The following AP2B1 variants were observed in gnomAD, a reference collection of about 807,000 sequenced individuals.
The protein encoded by AP2B1 is adaptor related protein complex 2 subunit beta 1, also known as AP-2 complex subunit beta.
In AP2B1, 23 loss-of-function variants were observed where a neutral mutation model predicts 102.0. The ratio of observed to expected loss-of-function variants is 0.23; its 90% CI spans 0.16 to 0.32. The LOEUF is 0.32. Among genes scored for constraint, AP2B1 ranks in the 10% least tolerant of loss-of-function variants. The pLI, the probability that AP2B1 is intolerant of heterozygous loss-of-function variation, is 1.00. For missense variants in AP2B1, 541 were observed against 1,157.4 expected, an observed-to-expected ratio of 0.47 and a Z score of 7.73; for synonymous variants, 381 against 421.2, an observed-to-expected ratio of 0.90 and a Z score of 1.17.
At chr17:35,607,112 C>T (rs1192539947) in intron 4 of AP2B1, among the ~76,000 whole-genome samples, 1 of 152,086 alleles carries the variant, frequency 6.6e-6, no homozygotes, top group Non-Finnish European at 1.5e-5. Flanking sequence ...ACCATATTGG[C>T]CAGGCTGGTC....
intron 11 of AP2B1, among the ~76,000 whole-genome samples, chr17:35,640,574 C>T (rs1048597019): frequency 6.6e-6 from 1 of 152,166 alleles, no homozygotes; most frequent in East Asian, 1.9e-4. Flanking sequence ...ACCTACATAA[C>T]TCAGACCAGT....
At chr17:35,675,749 T>C (rs1056632433) in intron 17 of AP2B1, among the ~76,000 whole-genome samples, 4 of 152,100 alleles carry the variant, frequency 2.6e-5, no homozygotes, top group South Asian at 2.1e-4. Flanking sequence ...GTTTTGTTTT[T>C]GTTTTTCTTC....
At chr17:35,662,143 C>G (rs1030857336) in intron 14 of AP2B1, among the ~76,000 whole-genome samples, 2 of 152,158 alleles carry the variant, frequency 1.3e-5, no homozygotes, top group African/African-American at 4.8e-5. Context: ...CATACTGTAG[C>G]TCCCCAGGTG....
At position 35,614,616 on chromosome 17, in the gene AP2B1, G is replaced by A. The variant is rs1006838012; in HGVS notation, c.525+6229G>A. ...CCCATGAGAATACCTGTGCTTCATT[G>A]TTCTGTCCTCTCTGCAAAATTGCAA... On this transcript the variant is annotated intron_variant, in intron 5 of 21. Coordinates refer to ENST00000610402, the MANE Select transcript of AP2B1 (RefSeq NM_001030006.2). Among the ~76,000 whole-genome samples, 3 of 119,166 alleles carry A rather than the reference G, an allele frequency of 2.5e-5. No homozygotes were observed. In the Admixed American group the frequency reaches 3.4e-4, roughly 13 times the overall value. The allele number at this position is 119,166 out of a possible 152,430, so 78.2% of individuals were successfully genotyped here.
intron 5 of AP2B1, among the ~76,000 whole-genome samples, chr17:35,614,455 A>G (rs965191390): frequency 6.6e-6 from 1 of 151,952 alleles, no homozygotes; most frequent in Non-Finnish European, 1.5e-5. Context: ...CTCTCAAAGT[A>G]CTGAGATTAT....
intron 13 of AP2B1, among the ~76,000 whole-genome samples, chr17:35,652,525 G>A (rs970145797): frequency 2.6e-5 from 4 of 152,064 alleles, no homozygotes; most frequent in Admixed American, 2.0e-4. Flanking sequence ...CTGCTCTATG[G>A]GGGTGAGGTA....
chr17:35,645,334 A>G (rs545896069), intron 12 of AP2B1, among the ~76,000 whole-genome samples: 7 of 152,272 alleles, frequency 4.6e-5, no homozygotes, highest in Admixed American at 1.3e-4. Context: ...TTCTGTCTCT[A>G]TAGTAGAGTT....
chr17:35,678,605 C>T (rs2075751049), intron 17 of AP2B1, among the ~76,000 whole-genome samples: 1 of 152,148 alleles, frequency 6.6e-6, no homozygotes, highest in African/African-American at 2.4e-5. Flanking sequence ...TCTGCATTTA[C>T]TAAAATGATT....
intron 4 of AP2B1, chr17:35,607,858 GAT>G: frequency 3.6e-6 from 1 of 280,658 alleles, no homozygotes; most frequent in Non-Finnish European, 6.6e-6. Context: ...ATGGCTGTGG[GAT>G]GGTACGAACT....
intron 18 of AP2B1, among the ~76,000 whole-genome samples, chr17:35,705,016 G>GC (rs1366658738): frequency 2.6e-5 from 4 of 152,130 alleles, no homozygotes; most frequent in African/African-American, 9.7e-5. Flanking sequence ...GGGTGACAGA[G>GC]CCAGACTCTG....
chr17:35,714,321 C>G (rs1191021698), intron 20 of AP2B1, among the ~76,000 whole-genome samples: 3 of 152,182 alleles, frequency 2.0e-5, no homozygotes, highest in Admixed American at 6.5e-5. Context: ...TTTCAGCAGT[C>G]ATAGTGGTTT....
chr17:35,685,682 T>C (rs1184855235), intron 18 of AP2B1, among the ~76,000 whole-genome samples: 2 of 152,224 alleles, frequency 1.3e-5, no homozygotes, highest in Non-Finnish European at 2.9e-5. Context: ...ATAAAAACTT[T>C]TCATCAGAAC....
intron 9 of AP2B1, among the ~76,000 whole-genome samples, chr17:35,628,026 G>C (rs1275506915): frequency 1.3e-5 from 2 of 152,062 alleles, no homozygotes; most frequent in African/African-American, 4.8e-5. Flanking sequence ...AAAATATTCA[G>C]GGGAAAAGAA....
chr17:35,645,647 C>T (rs562949191), intron 12 of AP2B1, among the ~76,000 whole-genome samples: 6 of 152,222 alleles, frequency 3.9e-5, no homozygotes, highest in African/African-American at 9.6e-5. Context: ...GTCAGGAGTT[C>T]GAGACCAGCC....
intron 20 of AP2B1, among the ~76,000 whole-genome samples, chr17:35,712,522 G>A (rs1321695797): frequency 2.6e-5 from 4 of 152,092 alleles, no homozygotes; most frequent in African/African-American, 7.2e-5. Context: ...CAGCTACTCG[G>A]GAGGCTGAGG....
chr17:35,714,025 T>C (rs2076502809), intron 20 of AP2B1, among the ~76,000 whole-genome samples: 1 of 152,240 alleles, frequency 6.6e-6, no homozygotes, highest in Non-Finnish European at 1.5e-5. Context: ...TCTCCAGCCA[T>C]ATCTGGAAAG....
At chr17:35,665,112 G>A (rs1275115177) in intron 14 of AP2B1, among the ~76,000 whole-genome samples, 1 of 138,634 alleles carries the variant, frequency 7.2e-6, no homozygotes, top group South Asian at 2.3e-4. Flanking sequence ...ATTTTATGAT[G>A]CTTTTTGGAA....
intron 18 of AP2B1, among the ~76,000 whole-genome samples, chr17:35,694,435 A>ATTTTTTTTTTTTTTT (rs2076101194): frequency 7.5e-5 from 6 of 80,000 alleles, no homozygotes; most frequent in African/African-American, 8.7e-5. Flanking sequence ...TAATTTTTTA[A>ATTTTTTTTTTTTTTT]TTTTTTGTAG....
chr17:35,721,136 C>T (rs1207674800), intron 21 of AP2B1, among the ~76,000 whole-genome samples: 2 of 152,118 alleles, frequency 1.3e-5, no homozygotes, highest in East Asian at 1.9e-4. Context: ...AACACTTCTC[C>T]CCAAACCCCA....
Sources: gnomAD v4.1 joint callset for allele counts (sites outside exome capture counted in the v4.1 genomes callset) on GRCh38, gnomAD v4.1.1 for gene constraint, MANE v1.5 for transcripts, NCBI Gene and HGNC (gene_info 2026-07-23, HGNC 2026-07-21) for gene names.